Variants in PDE1A observed in about 807,000 individuals in gnomAD.
PDE1A encodes phosphodiesterase 1A.
PDE1A carries 35 observed loss-of-function variants against 61.7 expected under a neutral mutation model. The ratio of observed to expected loss-of-function variants is 0.57; its 90% CI spans 0.43 to 0.75. The LOEUF is 0.75. Ranked by LOEUF, PDE1A falls within the 30% of genes least tolerant of loss-of-function variation. PDE1A has a pLI of 0.00. For synonymous variants in PDE1A, 232 were observed against 213.2 expected (o/e 1.09, Z -0.77); for missense variants, 597 against 630.6 (o/e 0.95, Z 0.57).
intron 2 of PDE1A, among the ~76,000 whole-genome samples, chr2:182,242,706 G>A (rs1690616127): frequency 1.3e-5 from 2 of 152,318 alleles, no homozygotes; most frequent in South Asian, 2.1e-4. Context: ...GTCCCCCAAA[G>A]AGAAAGGAAT....
chr2:182,577,931 C>CGGAA, the PDE1A span, among the ~76,000 whole-genome samples: 15,151 of 81,944 alleles, frequency 0.18, 1,725 homozygotes, highest in East Asian at 0.27. Flanking sequence ...AGAAAGAAAA[C>CGGAA]GGAAGGAAGG....
chr2:182,481,494 T>C (rs1446441990), intron 2 of PDE1A, among the ~76,000 whole-genome samples: 1 of 151,934 alleles, frequency 6.6e-6, no homozygotes, highest in Non-Finnish European at 1.5e-5. Flanking sequence ...TATTTCATTC[T>C]AACTACAGAA....
At chr2:182,564,121 C>T in the PDE1A span, among the ~76,000 whole-genome samples, 3 of 152,118 alleles carry the variant, frequency 2.0e-5, no homozygotes, top group African/African-American at 4.8e-5. Flanking sequence ...TTATTTTGCT[C>T]GTTAGTTGAT....
At chr2:182,341,865 C>G (rs1420538202) in intron 1 of PDE1A, among the ~76,000 whole-genome samples, 1 of 152,110 alleles carries the variant, frequency 6.6e-6, no homozygotes, top group Admixed American at 6.6e-5. Context: ...TTAAACAATC[C>G]TCCCATCTCA....
At chr2:182,638,747 A>C in the PDE1A span, among the ~76,000 whole-genome samples, 1 of 152,208 alleles carries the variant, frequency 6.6e-6, no homozygotes, top group Non-Finnish European at 1.5e-5. Flanking sequence ...AGAAGCAGTA[A>C]AAAGAAAAGT....
At chr2:182,222,471 A>ACAT (rs1227390366) in intron 7 of PDE1A, among the ~76,000 whole-genome samples, 14 of 152,030 alleles carry the variant, frequency 9.2e-5, no homozygotes. Context: ...AATGGTAGAT[A>ACAT]CATGACATTA....
the PDE1A span, among the ~76,000 whole-genome samples, chr2:182,657,816 G>T: frequency 1.3e-5 from 2 of 151,932 alleles, no homozygotes; most frequent in African/African-American, 2.4e-5. Flanking sequence ...TCTAAGTTTA[G>T]CTGTCCCTTT....
the PDE1A span, among the ~76,000 whole-genome samples, chr2:182,556,354 C>G: frequency 6.6e-6 from 1 of 152,090 alleles, no homozygotes; most frequent in Non-Finnish European, 1.5e-5. Context: ...CACAGGCAGC[C>G]AGGATATCGT....
intron 1 of PDE1A, among the ~76,000 whole-genome samples, chr2:182,364,466 TAA>T (rs201821721): frequency 8.9e-4 from 32 of 35,832 alleles, no homozygotes; most frequent in East Asian, 2.0e-3. Context: ...AACACTTTGG[TAA>T]AAAAAAAAAA....
chr2:182,406,635 A>C (rs1702312441), intron 1 of PDE1A, among the ~76,000 whole-genome samples: 1 of 152,148 alleles, frequency 6.6e-6, no homozygotes, highest in Non-Finnish European at 1.5e-5. Flanking sequence ...ATTTTTTAAC[A>C]TTCCTTTTTT....
chr2:182,251,506 A>C (rs1482787190), intron 2 of PDE1A, among the ~76,000 whole-genome samples: 2 of 152,206 alleles, frequency 1.3e-5, no homozygotes. Context: ...CTTGTTAGAA[A>C]TGAAAGTTCC....
At chr2:182,533,797 T>C in the PDE1A span, among the ~76,000 whole-genome samples, 3,408 of 152,154 alleles carry the variant, frequency 0.022, 122 homozygotes, top group African/African-American at 0.077. Context: ...GATCAAGGTA[T>C]CAAAATTTGA....
the PDE1A span, among the ~76,000 whole-genome samples, chr2:182,636,003 C>T: frequency 1.6e-5 from 2 of 124,376 alleles, no homozygotes; most frequent in Non-Finnish European, 1.6e-5. Context: ...TTGCCCAGGC[C>T]GGACTGCAGT....
intron 1 of PDE1A, among the ~76,000 whole-genome samples, chr2:182,399,948 A>G (rs1701909514): frequency 6.6e-6 from 1 of 152,156 alleles, no homozygotes; most frequent in Non-Finnish European, 1.5e-5. Flanking sequence ...CAGGATTGCT[A>G]GTCTAAAGCT....
intron 2 of PDE1A, among the ~76,000 whole-genome samples, chr2:182,257,462 T>TA (rs1691904703): frequency 6.6e-6 from 1 of 152,142 alleles, no homozygotes; most frequent in South Asian, 2.1e-4. Flanking sequence ...TTAGTTACAC[T>TA]AAAAAAAGTA....
chr2:182,427,365 C>T (rs1175661270), upstream of PDE1A, among the ~76,000 whole-genome samples: 3 of 152,086 alleles, frequency 2.0e-5, no homozygotes, highest in Non-Finnish European at 4.4e-5. Context: ...GAAGCCCATG[C>T]GAAGCTGACC....
chr2:182,542,745 T>C, the PDE1A span, among the ~76,000 whole-genome samples: 1 of 152,204 alleles, frequency 6.6e-6, no homozygotes, highest in Non-Finnish European at 1.5e-5. Flanking sequence ...GGTTAAGATG[T>C]CCAACTGGCG....
At chr2:182,413,715 C>T (rs116994158) in intron 1 of PDE1A, among the ~76,000 whole-genome samples, 1 of 152,264 alleles carries the variant, frequency 6.6e-6, no homozygotes, top group East Asian at 1.9e-4. Flanking sequence ...TTAGGAAACA[C>T]TAAATATCAT....
chr2:182,638,258 G>T, the PDE1A span, among the ~76,000 whole-genome samples: 1 of 152,218 alleles, frequency 6.6e-6, no homozygotes, highest in Non-Finnish European at 1.5e-5. Context: ...CAGGCATACA[G>T]TCGGGTGCAG....
Sources: gnomAD v4.1 joint callset for allele counts (sites outside exome capture counted in the v4.1 genomes callset) on GRCh38, gnomAD v4.1.1 for gene constraint, MANE v1.5 for transcripts, NCBI Gene and HGNC (gene_info 2026-07-23, HGNC 2026-07-21) for gene names.